Variants in RFX7 observed in about 807,000 individuals in gnomAD.
RFX7 encodes regulatory factor X7.
Under a neutral mutation model 111.8 loss-of-function variants are expected in RFX7, and 26 were observed. The observed-to-expected ratio is 0.23, with a 90% CI of 0.17 to 0.32. RFX7 has a LOEUF of 0.32. RFX7 is among the 10% of genes least tolerant of loss of function. The pLI, the probability that RFX7 is intolerant of heterozygous loss-of-function variation, is 1.00. For synonymous variants in RFX7, 624 were observed against 624.4 expected (o/e 1.00, Z 0.01); for missense variants, 1,573 against 1,772.9 (o/e 0.89, Z 2.02).
intron 3 of RFX7, among the ~76,000 whole-genome samples, chr15:56,176,674 T>C (rs1226060941): frequency 6.6e-6 from 1 of 152,058 alleles, no homozygotes; most frequent in Non-Finnish European, 1.5e-5. Flanking sequence ...GTATAATAAA[T>C]ACTAGAAGAA....
intron 2 of RFX7, chr15:56,193,364 T>A (rs2043118169): frequency 6.6e-6 from 1 of 152,176 alleles, no homozygotes; most frequent in South Asian, 2.1e-4. Flanking sequence ...TTTTCTATTT[T>A]TGAATAAAAT....
At chr15:56,207,923 C>T (rs912515275) in intron 2 of RFX7, among the ~76,000 whole-genome samples, 16 of 152,130 alleles carry the variant, frequency 1.1e-4, no homozygotes, top group African/African-American at 3.9e-4. Context: ...GAGCAGAAAC[C>T]CACAAGCCAC....
chr15:56,130,918 ATTG>A (rs1268796093), intron 5 of RFX7, among the ~76,000 whole-genome samples: 1 of 152,128 alleles, frequency 6.6e-6, no homozygotes, highest in African/African-American at 2.4e-5. Flanking sequence ...AAACACAAAA[ATTG>A]TCAAAGAATT....
At chr15:56,177,415 C>T (rs1009665040) in intron 3 of RFX7, among the ~76,000 whole-genome samples, 2 of 151,966 alleles carry the variant, frequency 1.3e-5, no homozygotes, top group African/African-American at 4.8e-5. Flanking sequence ...TCTACCTCAC[C>T]CAATAAAATA....
At chr15:56,204,090 G>A (rs2043225536) in intron 2 of RFX7, among the ~76,000 whole-genome samples, 1 of 146,098 alleles carries the variant, frequency 6.8e-6, no homozygotes, top group Non-Finnish European at 1.5e-5. Flanking sequence ...GCCCAATCGT[G>A]GCTCATTGTA....
At chr15:56,129,989 C>T (rs1294527802) in intron 5 of RFX7, among the ~76,000 whole-genome samples, 12 of 152,120 alleles carry the variant, frequency 7.9e-5, no homozygotes, top group African/African-American at 2.9e-4. Context: ...CTTATATGTA[C>T]TTGCATTTGC....
chr15:56,095,488 T>C lies in RFX7; in HGVS notation c.2240A>G (p.Gln747Arg). The C allele has an allele frequency of 6.2e-7, 1 of 1,612,786 alleles. No individual in the cohort carries two copies. Among genetic ancestry groups the C allele is most frequent in the East Asian group, 2.2e-5 (1 of 44,886 alleles). ...LVISDSALEQQTTPSSSPDIK... is the reference protein window; with the variant it reads ...LVISDSALEQRTTPSSSPDIK... ...ATCTGGAGATGATGATGGGGTTGTT[T>C]GCTGTTCCAAAGCTGAATCACTGAT... is the stretch of plus-strand genomic sequence containing the variant. The change falls in exon 10 of 10, where the codon CAA becomes CGA. Residue 747 changes from glutamine to arginine, a missense_variant. Coordinates refer to ENST00000559447, the MANE Select transcript of RFX7 (RefSeq NM_022841.7).
At chr15:56,157,693 C>T (rs2042670694) in intron 3 of RFX7, among the ~76,000 whole-genome samples, 1 of 152,230 alleles carries the variant, frequency 6.6e-6, no homozygotes, top group Admixed American at 6.5e-5. Flanking sequence ...CATTCTCCTG[C>T]CTCAGCCTCC....
chr15:56,182,083 A>C lies in RFX7; in HGVS notation c.162-2780T>G, dbSNP rs527256602. On this transcript the variant is annotated intron_variant, in intron 2 of 9. Transcript: ENST00000559447. Reference sequence around the variant, plus strand: ...ACCACTATCTAGTTGCAGAAAAACAAGCAGGCTCCCACTGATTCTACATTA... The same window carrying C: ...ACCACTATCTAGTTGCAGAAAAACACGCAGGCTCCCACTGATTCTACATTA... Among the ~76,000 whole-genome samples the C allele has an allele frequency of 9.2e-5, 14 of 152,266 alleles. No homozygotes were observed. The East Asian group carries it at 1.9e-3, about 21-fold the overall frequency.
intron 2 of RFX7, among the ~76,000 whole-genome samples, chr15:56,214,066 T>C (rs1436579394): frequency 6.6e-6 from 1 of 152,186 alleles, no homozygotes; most frequent in Non-Finnish European, 1.5e-5. Flanking sequence ...CCATCATGCA[T>C]GAGTTTTTTT....
chr15:56,205,935 A>T (rs1489400004), intron 2 of RFX7, among the ~76,000 whole-genome samples: 1 of 152,224 alleles, frequency 6.6e-6, no homozygotes, highest in Non-Finnish European at 1.5e-5. Flanking sequence ...AAACCCAGAA[A>T]ATTAACAAGT....
At chr15:56,234,071 T>C (rs2043597128) in intron 2 of RFX7, among the ~76,000 whole-genome samples, 1 of 152,206 alleles carries the variant, frequency 6.6e-6, no homozygotes, top group Non-Finnish European at 1.5e-5. Flanking sequence ...TTATAGCCCA[T>C]CCCTTGATTT....
Position 56,093,109 on chromosome 15 carries a change from G to T in RFX7, c.*236C>A, listed in dbSNP as rs1246516359. ...GGATAGTCAATCAATGTGAATAAATGGGGCACATTATAAAATTTAAAACCT... is the reference window on the plus strand; with the variant it reads ...GGATAGTCAATCAATGTGAATAAATTGGGCACATTATAAAATTTAAAACCT... On this transcript the variant is annotated 3_prime_UTR_variant, in exon 10 of 10. Coordinates refer to ENST00000559447, the MANE Select transcript of RFX7 (RefSeq NM_022841.7). 2.3e-6 allele frequency: 1 copy of T among 442,944 alleles called. No individual in the cohort carries two copies. Among genetic ancestry groups the T allele is most frequent in the African/African-American group, 2.0e-5 (1 of 51,024 alleles). The allele number at this position is 442,944 out of a possible 1,614,324, so 27.4% of individuals were successfully genotyped here.
At chr15:56,166,321 T>C (rs957750893) in intron 3 of RFX7, among the ~76,000 whole-genome samples, 4 of 152,242 alleles carry the variant, frequency 2.6e-5, no homozygotes, top group African/African-American at 9.6e-5. Flanking sequence ...AATTTTACAT[T>C]AGCCTTGCTA....
intron 5 of RFX7, among the ~76,000 whole-genome samples, chr15:56,136,330 A>C (rs1436738933): frequency 3.6e-5 from 5 of 137,030 alleles, no homozygotes; most frequent in Middle Eastern, 3.7e-3. Context: ...GAGGTCCTTC[A>C]CATCCCTTGT....
rs371675686 is a variant in RFX7, at chr15:56,179,314, G to A, written c.162-11C>T. The A allele has an allele frequency of 3.6e-5, 46 of 1,264,066 alleles. No individual in the cohort carries two copies. In the African/African-American group the frequency reaches 6.3e-4, roughly 17 times the overall value. The allele number at this position is 1,264,066 out of a possible 1,614,324, so 78.3% of individuals were successfully genotyped here. A position where few individuals can be genotyped will look rare whatever the true frequency, so the allele number is the denominator to read the frequency against. On this transcript the variant is annotated splice_polypyrimidine_tract_variant and intron_variant, in intron 2 of 9. Transcript: ENST00000559447. The stretch of plus-strand genomic sequence containing the variant: ...GATTGTACAGTTTTGCTAAAAGAAA[G>A]AGAAAGTTAGGTTAGTAAAATGAAA...
Position 56,096,030 on chromosome 15 carries a change from A to T in RFX7, c.1698T>A (p.Ser566Arg), listed in dbSNP as rs370322920. The change falls in exon 10 of 10, where the codon AGT (serine) becomes AGA (arginine). Residue 566 changes from serine (S) to arginine (R), a missense_variant. By Grantham distance (110) the Ser-to-Arg change is moderately radical. This residue lies in a region of RFX7 where 625 missense variants were observed against 632.2 expected (regional missense o/e 0.99). Transcript: ENST00000559447. ...SDEAKAPQTP[S>R]ALLGQKSNTD... is the part of the protein sequence containing the mutation. ...TATTACTTTTCTGCCCCAAAAGGGC[A>T]CTAGGTGTCTGGGGAGCTTTAGCCT... 16 of 1,613,070 alleles carry T rather than the reference A, an allele frequency of 9.9e-6. No homozygotes were observed. Among genetic ancestry groups the T allele is most frequent in the Non-Finnish European group, 1.4e-5 (16 of 1,179,570 alleles).
At chr15:56,185,744 C>T (rs935255249) in intron 2 of RFX7, among the ~76,000 whole-genome samples, 2 of 152,008 alleles carry the variant, frequency 1.3e-5, no homozygotes, top group Non-Finnish European at 2.9e-5. Flanking sequence ...GTTTTTACTA[C>T]TGATGAGAAG....
intron 3 of RFX7, among the ~76,000 whole-genome samples, chr15:56,165,276 C>T (rs1034246608): frequency 6.6e-6 from 1 of 152,154 alleles, no homozygotes; most frequent in Non-Finnish European, 1.5e-5. Flanking sequence ...ATTACATAAT[C>T]AGTGTTTAAA....
Sources: gnomAD v4.1 joint callset for allele counts (sites outside exome capture counted in the v4.1 genomes callset) on GRCh38, gnomAD v4.1.1 for gene constraint, gnomAD v4.1.1 regional missense constraint, MANE v1.5 for transcripts, NCBI Gene and HGNC (gene_info 2026-07-23, HGNC 2026-07-21) for gene names.